The following TLL1 variants were observed in gnomAD, a reference collection of about 807,000 sequenced individuals.
The protein encoded by TLL1 is tolloid like 1.
TLL1 carries 49 observed loss-of-function variants against 128.2 expected under a neutral mutation model. The ratio of observed to expected loss-of-function variants is 0.38; its 90% confidence interval spans 0.30 to 0.48. TLL1 has a LOEUF of 0.48. TLL1 is among the 20% of genes least tolerant of loss of function. The pLI, the probability that TLL1 is intolerant of heterozygous loss-of-function variation, is 0.96. For missense variants in TLL1, 1,123 were observed against 1,242.0 expected (o/e 0.90, Z 1.44); for synonymous variants, 454 against 418.8 (o/e 1.08, Z -1.03).
At chr4:165,981,151 T>A (rs988641207) in intron 1 of TLL1, among the ~76,000 whole-genome samples, 4 of 150,924 alleles carry the variant, frequency 2.7e-5, no homozygotes, top group Non-Finnish European at 5.9e-5. Flanking sequence ...CTCTATAGAG[T>A]TTTTTTCCCC....
In TLL1 at chr4:165,901,002, A is replaced by T. The variant is rs899116673; in HGVS notation, c.169+26929A>T. Among the ~76,000 whole-genome samples the T allele has an allele frequency of 5.2e-4, 70 of 135,576 alleles. 2 individuals are homozygous for T. The highest frequency in any genetic ancestry group is 8.3e-4 in the Admixed American group (10 of 12,104). 88.9% of individuals were successfully genotyped at this position (135,576 alleles called of 152,430 possible). ...TCATTAAGTTGATCTTCAACCTCTG[A>T]TATTTTTTCTTCTGCTTGGTTGATT... is the stretch of plus-strand genomic sequence containing the variant. On this transcript the variant is annotated intron_variant, in intron 1 of 20. Coordinates refer to ENST00000061240, the MANE Select transcript of TLL1 (RefSeq NM_012464.5).
chr4:166,097,950 T>C (rs1187821974), intron 19 of TLL1, among the ~76,000 whole-genome samples: 1 of 152,100 alleles, frequency 6.6e-6, no homozygotes, highest in Admixed American at 6.6e-5. Flanking sequence ...CCCATTCTTT[T>C]ATCTCCCTCC....
At chr4:165,928,398 A>G (rs1419982189) in intron 1 of TLL1, among the ~76,000 whole-genome samples, 1 of 152,182 alleles carries the variant, frequency 6.6e-6, no homozygotes, top group Non-Finnish European at 1.5e-5. Context: ...AGGGTAGGAA[A>G]GCCACTCTCT....
intron 1 of TLL1, among the ~76,000 whole-genome samples, chr4:165,940,553 G>T (rs1389067670): frequency 6.6e-6 from 1 of 151,866 alleles, no homozygotes; most frequent in African/African-American, 2.4e-5. Flanking sequence ...TCATTAAAGA[G>T]GTTGGTAATT....
At chr4:165,896,827 CTG>C (rs918791763) in intron 1 of TLL1, among the ~76,000 whole-genome samples, 53 of 152,150 alleles carry the variant, frequency 3.5e-4, no homozygotes, top group Admixed American at 3.3e-3. Context: ...AATCGCCACA[CTG>C]TCTTTCACAA....
chr4:166,097,621 C>A (rs569942575), intron 19 of TLL1, among the ~76,000 whole-genome samples: 3 of 152,188 alleles, frequency 2.0e-5, no homozygotes, highest in South Asian at 4.2e-4. Context: ...GTTCCATACC[C>A]GTAATTCAGA....
chr4:165,874,112 G>T, intron 1 of TLL1, 39 bp downstream of exon 1: 2 of 1,613,092 alleles, frequency 1.2e-6, no homozygotes, highest in Non-Finnish European at 1.7e-6. Flanking sequence ...GCGCGCCGGG[G>T]GCCGCTGCGC....
intron 9 of TLL1, among the ~76,000 whole-genome samples, chr4:166,030,047 T>A (rs968189401): frequency 6.6e-6 from 1 of 152,100 alleles, no homozygotes; most frequent in African/African-American, 2.4e-5. Flanking sequence ...CTATGTTTAA[T>A]TTTTTAAATA....
chr4:166,082,773 A>G (rs146535370), intron 18 of TLL1, among the ~76,000 whole-genome samples: 9,770 of 151,946 alleles, frequency 0.064, 546 homozygotes, highest in African/African-American at 0.14. Flanking sequence ...TAACTCCCAG[A>G]TTCAAGCAAT....
Position 166,003,538 on chromosome 4 carries a change from C to A in TLL1, c.780C>A (p.His260Gln). ...ACACAAGACCAGATCGAGATAACCACGTAACTATCATAAGAGAAAACATCC... is the reference window on the plus strand; with the variant it reads ...ACACAAGACCAGATCGAGATAACCAAGTAACTATCATAAGAGAAAACATCC... ...HEHTRPDRDN[H>Q]VTIIRENIQP... is the part of the protein sequence containing the mutation. The change falls in exon 6 of 21, where the codon CAC becomes CAA. Residue 260 changes from histidine (H) to glutamine (Q), a missense_variant. Physicochemically the swap from His to Gln is conservative, Grantham distance 24. Around this residue, in one of 3 missense-constraint regions of TLL1, gnomAD observed 480 missense variants for 542.4 expected, o/e 0.89. Transcript: ENST00000061240. The A allele has an allele frequency of 2.5e-6, 4 of 1,613,942 alleles. No homozygotes were observed. The highest frequency in any genetic ancestry group is 3.4e-6 in the Non-Finnish European group (4 of 1,179,918).
intron 18 of TLL1, among the ~76,000 whole-genome samples, chr4:166,081,985 G>A (rs1030796042): frequency 1.2e-4 from 19 of 152,076 alleles, no homozygotes; most frequent in African/African-American, 4.3e-4. Context: ...TTCGACTTGA[G>A]AATTAGGACA....
intron 19 of TLL1, among the ~76,000 whole-genome samples, chr4:166,098,913 T>G (rs1742151652): frequency 6.6e-6 from 1 of 152,138 alleles, no homozygotes; most frequent in Admixed American, 6.6e-5. Context: ...AATTATTGAG[T>G]TACTAAGTGG....
intron 1 of TLL1, among the ~76,000 whole-genome samples, chr4:165,941,178 C>T (rs1203949123): frequency 3.3e-5 from 5 of 152,050 alleles, no homozygotes; most frequent in East Asian, 1.9e-4. Flanking sequence ...TTATGACTCG[C>T]GCTATTGCCT....
At chr4:165,930,275 G>A (rs908117730) in intron 1 of TLL1, among the ~76,000 whole-genome samples, 4 of 152,172 alleles carry the variant, frequency 2.6e-5, no homozygotes, top group Non-Finnish European at 5.9e-5. Flanking sequence ...CCTCTGGTAT[G>A]TGTATAGACC....
Position 165,873,764 on chromosome 4 carries a change from G to A in TLL1, c.-141G>A. The A allele has an allele frequency of 1.2e-6, 1 of 830,036 alleles. No individual in the cohort carries two copies. The highest frequency in any genetic ancestry group is 1.9e-6 in the Non-Finnish European group (1 of 515,376). 51.4% of individuals were successfully genotyped at this position (830,036 alleles called of 1,614,324 possible). A position where few individuals can be genotyped will look rare whatever the true frequency, so the allele number is the denominator to read the frequency against. On this transcript the variant is annotated 5_prime_UTR_variant, in exon 1 of 21. Coordinates refer to ENST00000061240, the MANE Select transcript of TLL1 (RefSeq NM_012464.5). ...GTCCCGGCGGCATCCACATGTTTCC[G>A]GACACCTGAGCACCCCGGTCCCGCC... is the stretch of plus-strand genomic sequence containing the variant.
chr4:165,902,698 T>C (rs181556509), intron 1 of TLL1, among the ~76,000 whole-genome samples: 1 of 152,314 alleles, frequency 6.6e-6, no homozygotes, highest in East Asian at 1.9e-4. Flanking sequence ...AGCTGTAGAC[T>C]GGAGCTATTC....
chr4:166,083,751 T>A (rs1331181201), intron 18 of TLL1, among the ~76,000 whole-genome samples: 1 of 65,158 alleles, frequency 1.5e-5, no homozygotes, highest in Non-Finnish European at 5.0e-5. Flanking sequence ...ATTCCTCCAC[T>A]GTGTATATAT....
chr4:165,951,503 G>C (rs1447710304), intron 1 of TLL1, among the ~76,000 whole-genome samples: 1 of 152,148 alleles, frequency 6.6e-6, no homozygotes, highest in African/African-American at 2.4e-5. Context: ...TAATGCCATG[G>C]GCAGTGAATG....
intron 1 of TLL1, among the ~76,000 whole-genome samples, chr4:165,978,656 G>A (rs560421929): frequency 1.3e-5 from 2 of 152,054 alleles, no homozygotes; most frequent in African/African-American, 2.4e-5. Context: ...AAAGAACTTC[G>A]GATGGTTTCT....
Sources: allele counts gnomAD v4.1 joint callset (sites outside exome capture counted in the v4.1 genomes callset), GRCh38; gene constraint gnomAD v4.1.1; regional missense constraint gnomAD v4.1.1; transcripts MANE v1.5; gene names NCBI Gene and HGNC (gene_info 2026-07-23, HGNC 2026-07-21).